NALF1: variants seen among roughly 807,000 people sequenced by gnomAD.
NALF1 encodes the protein family with sequence similarity 155 member A.
NALF1 carries 3 observed loss-of-function variants against 48.4 expected under a neutral mutation model. The observed-to-expected ratio is 0.06, with a 90% CI of 0.03 to 0.16. The LOEUF is 0.16. NALF1 is among the 10% of genes least tolerant of loss of function. The probability of loss-of-function intolerance (pLI) is 1.00; values close to 1 mark genes in which losing one functional copy is unlikely to be tolerated. For synonymous variants in NALF1, 262 were observed against 245.7 expected, an observed-to-expected ratio of 1.07 and a Z score of -0.62; for missense variants, 526 against 571.5, an observed-to-expected ratio of 0.92 and a Z score of 0.81.
At chr13:107,556,394 A>T (rs1378953717) in intron 1 of NALF1, among the ~76,000 whole-genome samples, 2 of 151,802 alleles carry the variant, frequency 1.3e-5, no homozygotes, top group African/African-American at 2.4e-5. Flanking sequence ...TATTTGGATC[A>T]GAACTTTTTT....
intron 1 of NALF1, among the ~76,000 whole-genome samples, chr13:107,641,826 G>A (rs1880164992): frequency 6.6e-6 from 1 of 152,112 alleles, no homozygotes; most frequent in African/African-American, 2.4e-5. Context: ...TTATGAACCA[G>A]GTTTCAACAC....
chr13:107,658,341 T>C (rs892964388), intron 1 of NALF1, among the ~76,000 whole-genome samples: 2 of 152,138 alleles, frequency 1.3e-5, no homozygotes, highest in South Asian at 2.1e-4. Flanking sequence ...CTACTTTCCA[T>C]GCCTCTGGAT....
At chr13:107,374,579 C>G (rs1436396043) in intron 1 of NALF1, among the ~76,000 whole-genome samples, 2 of 113,902 alleles carry the variant, frequency 1.8e-5, no homozygotes, top group Admixed American at 1.1e-4. Context: ...CTGAATGAGA[C>G]GCTAAGACTT....
intron 1 of NALF1, among the ~76,000 whole-genome samples, chr13:107,513,142 AT>A (rs1008523419): frequency 3.9e-5 from 6 of 152,162 alleles, no homozygotes; most frequent in Admixed American, 6.5e-5. Flanking sequence ...ATAAGACAAC[AT>A]TTTTTTAGGG....
intron 1 of NALF1, among the ~76,000 whole-genome samples, chr13:107,248,648 T>G (rs1880633873): frequency 6.6e-6 from 1 of 150,770 alleles, no homozygotes; most frequent in Non-Finnish European, 1.5e-5. Context: ...GTTCCTCAGT[T>G]GTACCAGCCA....
intron 1 of NALF1, among the ~76,000 whole-genome samples, chr13:107,410,217 C>G (rs1883966199): frequency 6.6e-6 from 1 of 152,110 alleles, no homozygotes; most frequent in Admixed American, 6.6e-5. Flanking sequence ...GCTCATTGCT[C>G]AACTGATTTA....
chr13:107,682,530 G>A (rs1452635666), intron 1 of NALF1, among the ~76,000 whole-genome samples: 1 of 151,814 alleles, frequency 6.6e-6, no homozygotes, highest in East Asian at 1.9e-4. Context: ...ATTTCATCCC[G>A]AACGAGGCCC....
At chr13:107,498,448 T>C (rs778563272) in intron 1 of NALF1, among the ~76,000 whole-genome samples, 10 of 152,158 alleles carry the variant, frequency 6.6e-5, no homozygotes, top group Non-Finnish European at 1.5e-4. Flanking sequence ...GGCTTTGGAT[T>C]CCTAAAAGTC....
rs1007814072 is a variant in NALF1, at chr13:107,262,339, C to T, written c.916-51584G>A. Among the ~76,000 whole-genome samples, 7 of 152,214 alleles carry T rather than the reference C, an allele frequency of 4.6e-5. No homozygotes were observed. In the South Asian group the frequency reaches 1.5e-3, roughly 32 times the overall value. Reference sequence around the variant, plus strand: ...CTGAGACAGGAGGATCACTTGAACCCAGGAGGCGGAGGTTGCAGTGAGCTG... The same window carrying T: ...CTGAGACAGGAGGATCACTTGAACCTAGGAGGCGGAGGTTGCAGTGAGCTG... On this transcript the variant is annotated intron_variant, in intron 1 of 2. Coordinates refer to ENST00000375915, the MANE Select transcript of NALF1 (RefSeq NM_001080396.3).
intron 1 of NALF1, among the ~76,000 whole-genome samples, chr13:107,767,575 G>GT (rs1350502648): frequency 1.3e-5 from 2 of 152,200 alleles, no homozygotes; most frequent in Admixed American, 6.5e-5. Context: ...AACTGCAAGT[G>GT]TATCTGAAAG....
At chr13:107,813,006 T>G (rs1005638811) in intron 1 of NALF1, among the ~76,000 whole-genome samples, 1 of 152,146 alleles carries the variant, frequency 6.6e-6, no homozygotes, top group Non-Finnish European at 1.5e-5. Context: ...TCTACCTGCC[T>G]CAGCCTCCCA....
intron 1 of NALF1, among the ~76,000 whole-genome samples, chr13:107,493,685 T>C (rs1875224136): frequency 6.6e-6 from 1 of 152,042 alleles, no homozygotes; most frequent in Non-Finnish European, 1.5e-5. Context: ...AAGACCAGCC[T>C]GGGCAACGTG....
At chr13:107,442,083 G>T (rs1884569821) in intron 1 of NALF1, among the ~76,000 whole-genome samples, 1 of 152,162 alleles carries the variant, frequency 6.6e-6, no homozygotes, top group African/African-American at 2.4e-5. Flanking sequence ...TTTCTGGAGG[G>T]TGAGATTTGA....
chr13:107,798,352 C>A (rs1017345439), intron 1 of NALF1, among the ~76,000 whole-genome samples: 1 of 152,090 alleles, frequency 6.6e-6, no homozygotes, highest in Non-Finnish European at 1.5e-5. Flanking sequence ...ATACATTTTC[C>A]ATTCAGAATT....
At chr13:107,782,459 T>A (rs1452452057) in intron 1 of NALF1, among the ~76,000 whole-genome samples, 1 of 152,108 alleles carries the variant, frequency 6.6e-6, no homozygotes, top group African/African-American at 2.4e-5. Flanking sequence ...GAGTGCAGCC[T>A]CTGCCCGGCC....
chr13:107,773,881 TA>T, intron 1 of NALF1, among the ~76,000 whole-genome samples: 3 of 151,964 alleles, frequency 2.0e-5, no homozygotes, highest in Non-Finnish European at 4.4e-5. Flanking sequence ...AGTATAATAA[TA>T]ATAAAAAAAT....
At chr13:107,836,132 AG>A (rs1879881471) in intron 1 of NALF1, among the ~76,000 whole-genome samples, 1 of 152,114 alleles carries the variant, frequency 6.6e-6, no homozygotes, top group African/African-American at 2.4e-5. Context: ...CTGAGACTAC[AG>A]GTGCACATCA....
intron 1 of NALF1, among the ~76,000 whole-genome samples, chr13:107,408,800 T>C (rs575524898): frequency 5.3e-5 from 8 of 152,056 alleles, no homozygotes; most frequent in Admixed American, 1.3e-4. Context: ...TAGGGGGAGA[T>C]TGTTATGGAG....
At chr13:107,416,229 AT>A (rs1206878613) in intron 1 of NALF1, among the ~76,000 whole-genome samples, 1 of 150,040 alleles carries the variant, frequency 6.7e-6, no homozygotes, top group Non-Finnish European at 1.5e-5. Context: ...GTTAGCCAGG[AT>A]GGTCTCGATC....
Sources: allele counts gnomAD v4.1 joint callset (sites outside exome capture counted in the v4.1 genomes callset), GRCh38; gene constraint gnomAD v4.1.1; transcripts MANE v1.5; gene names NCBI Gene and HGNC (gene_info 2026-07-23, HGNC 2026-07-21).